The following GLB1 variants were observed in gnomAD, a reference collection of about 807,000 sequenced individuals.
GLB1 encodes beta-galactosidase.
Under a neutral mutation model 74.0 loss-of-function variants are expected in GLB1, and 56 were observed. The ratio of observed to expected loss-of-function variants is 0.76; its 90% CI spans 0.61 to 0.94. GLB1 has a LOEUF of 0.94. GLB1 is among the 40% of genes least tolerant of loss of function. GLB1 has a pLI of 0.00. For synonymous variants in GLB1, 323 were observed against 323.6 expected (o/e 1.00, Z 0.02); for missense variants, 787 against 845.5 (o/e 0.93, Z 0.86).
At chr3:32,985,448 T>C in the GLB1 span, among the ~76,000 whole-genome samples, 9 of 151,002 alleles carry the variant, frequency 6.0e-5, no homozygotes, top group Non-Finnish European at 1.0e-4. Context: ...CTGTCACCAC[T>C]CCCAGCTAAT....
intron 15 of GLB1, among the ~76,000 whole-genome samples, chr3:33,003,847 T>C (rs748690260): frequency 6.6e-5 from 10 of 152,140 alleles, no homozygotes; most frequent in Non-Finnish European, 1.5e-4. Context: ...CTGGCCTACA[T>C]GGTGAAACCC....
intron 1 of GLB1, among the ~76,000 whole-genome samples, chr3:33,076,101 G>A (rs1469147082): frequency 6.6e-6 from 1 of 151,440 alleles, no homozygotes; most frequent in Non-Finnish European, 1.5e-5. Flanking sequence ...TGTTTTAATT[G>A]GTCTTGGGAG....
chr3:33,055,930 A>T (rs1699196177), intron 6 of GLB1, among the ~76,000 whole-genome samples: 1 of 151,914 alleles, frequency 6.6e-6, no homozygotes, highest in South Asian at 2.1e-4. Context: ...AGAACCTCTT[A>T]AAAAATGTGA....
chr3:33,071,440 T>C (rs1361774114), intron 2 of GLB1, among the ~76,000 whole-genome samples: 2 of 152,228 alleles, frequency 1.3e-5, no homozygotes, highest in South Asian at 2.1e-4. Context: ...AGTTAGTTAC[T>C]TTGCAATAGC....
rs372178498 is a variant in GLB1 at position 33,093,541 on chromosome 3, G to A, written c.75+3470C>T. 6.2e-7 allele frequency: 1 copy of A among 1,614,058 alleles called. No individual in the cohort carries two copies. The highest frequency in any genetic ancestry group is 1.3e-5 in the African/African-American group (1 of 74,914). On this transcript the variant is annotated intron_variant, in intron 1 of 15. Coordinates refer to ENST00000307363, the MANE Select transcript of GLB1 (RefSeq NM_000404.4). This position sits in a 1 kb window ranked among gnomAD's most constrained non-coding sequence, Gnocchi z 6.0. ...TCCATCTTGGTCCTGCCCACTGTGG[G>A]GCCCAAGTGAATGTCTGAGAGGAGC...
the GLB1 span, among the ~76,000 whole-genome samples, chr3:32,972,835 A>G: frequency 6.6e-6 from 1 of 152,330 alleles, no homozygotes; most frequent in East Asian, 1.9e-4. Context: ...AAGAAAGAGA[A>G]AGAGCTGGAG....
chr3:33,095,327 C>T (rs1469600470), intron 1 of GLB1, among the ~76,000 whole-genome samples: 2 of 151,060 alleles, frequency 1.3e-5, no homozygotes, highest in African/African-American at 4.9e-5. Context: ...ACCATCCTGG[C>T]TAACATGGTG....
the GLB1 span, among the ~76,000 whole-genome samples, chr3:32,989,739 T>G: frequency 6.6e-6 from 1 of 152,232 alleles, no homozygotes; most frequent in Non-Finnish European, 1.5e-5. Flanking sequence ...GCAATCTGCA[T>G]AGTAAGAAGA....
chr3:33,011,306 T>A (rs1444583952), intron 15 of GLB1, among the ~76,000 whole-genome samples: 2 of 152,180 alleles, frequency 1.3e-5, no homozygotes, highest in African/African-American at 4.8e-5. Context: ...TGCAAGTGTT[T>A]ACAGCAGTAT....
intron 10 of GLB1, chr3:33,034,683 G>T: frequency 1.4e-6 from 1 of 729,726 alleles, no homozygotes; most frequent in Non-Finnish European, 2.6e-6. Flanking sequence ...GCCATCTCTG[G>T]TGGAGACAAT....
chr3:33,096,173 G>A (rs1313923577), intron 1 of GLB1, among the ~76,000 whole-genome samples: 1 of 152,180 alleles, frequency 6.6e-6, no homozygotes, highest in African/African-American at 2.4e-5. Context: ...TTGGTCCGCG[G>A]AACGTGCAGA....
rs367692210 is a variant in GLB1 at position 33,065,491 on chromosome 3, T to C, written c.524A>G (p.Gln175Arg). ...LLPKMKPLLYQNGGPVITVQV... is the reference protein window; with the variant it reads ...LLPKMKPLLYRNGGPVITVQV... Reference sequence around the variant, plus strand: ...CACTGTTATAACTGGCCCTCCATTCTGATAGAGGAGAGGCTTCATCTTGGG... The same window carrying C: ...CACTGTTATAACTGGCCCTCCATTCCGATAGAGGAGAGGCTTCATCTTGGG... Residue 175 changes from glutamine (Q) to arginine (R), a missense_variant, in exon 5 of 16, where the codon CAG (glutamine) becomes CGG (arginine). Gln to Arg is a conservative substitution (Grantham distance 43). Coordinates refer to ENST00000307363, the MANE Select transcript of GLB1 (RefSeq NM_000404.4). 2.5e-6 allele frequency: 4 copies of C among 1,586,310 alleles called. No homozygotes were observed. The highest frequency in any genetic ancestry group is 3.4e-6 in the Non-Finnish European group (4 of 1,162,922).
At chr3:33,087,320 A>T (rs1038034949) in intron 1 of GLB1, among the ~76,000 whole-genome samples, 3 of 152,180 alleles carry the variant, frequency 2.0e-5, no homozygotes, top group Non-Finnish European at 4.4e-5. Context: ...CTGTAATCCC[A>T]GCACTTTGGG....
chr3:33,096,760 G>T (rs766979996), intron 1 of GLB1: 82 of 1,317,506 alleles, frequency 6.2e-5, no homozygotes, highest in Non-Finnish European at 7.7e-5. Context: ...GTGGATCCAA[G>T]CGCAAAGGGC....
At chr3:33,064,606 G>A (rs112679133) in intron 5 of GLB1, among the ~76,000 whole-genome samples, 29,017 of 150,596 alleles carry the variant, frequency 0.19, 4,307 homozygotes, top group African/African-American at 0.41. Context: ...GCGAAACCCC[G>A]TCTCTACTAA....
chr3:33,008,976 A>G (rs1696897373), intron 15 of GLB1, among the ~76,000 whole-genome samples: 1 of 151,908 alleles, frequency 6.6e-6, no homozygotes, highest in Admixed American at 6.6e-5. Flanking sequence ...AAAATTAGCC[A>G]GGCGTGGTGG....
chr3:32,987,905 C>T, the GLB1 span, among the ~76,000 whole-genome samples: 1 of 151,990 alleles, frequency 6.6e-6, no homozygotes, highest in African/African-American at 2.4e-5. Context: ...ATCTTAGAGG[C>T]TGGGTACGGT....
At chr3:33,020,583 A>C (rs1697426510) in intron 12 of GLB1, among the ~76,000 whole-genome samples, 1 of 152,252 alleles carries the variant, frequency 6.6e-6, no homozygotes, top group African/African-American at 2.4e-5. Flanking sequence ...AAAAATGTCC[A>C]TGTCATGAGA....
intron 10 of GLB1, among the ~76,000 whole-genome samples, chr3:33,041,219 T>C (rs1006432916): frequency 6.6e-6 from 1 of 151,888 alleles, no homozygotes; most frequent in African/African-American, 2.4e-5. Context: ...CTATACAGCG[T>C]CAAATATAAA....
Sources: gnomAD v4.1 joint callset for allele counts (sites outside exome capture counted in the v4.1 genomes callset) on GRCh38, gnomAD v4.1.1 for gene constraint, Gnocchi (gnomAD v3.1) non-coding constraint, MANE v1.5 for transcripts, NCBI Gene and HGNC (gene_info 2026-07-23, HGNC 2026-07-21) for gene names.